Variants in AGBL4 observed in about 807,000 individuals in gnomAD.
The protein encoded by AGBL4 is cytosolic carboxypeptidase 6.
Under a neutral mutation model 66.4 loss-of-function variants are expected in AGBL4, and 58 were observed. The observed-to-expected ratio is 0.87, with a 90% CI of 0.71 to 1.09. The LOEUF is 1.09. AGBL4 is among the 50% of genes least tolerant of loss of function. The probability of loss-of-function intolerance (pLI) is 0.00; values close to 1 mark genes in which losing one functional copy is unlikely to be tolerated. For synonymous variants in AGBL4, 234 were observed against 222.9 expected, an observed-to-expected ratio of 1.05 and a Z score of -0.44; for missense variants, 579 against 631.0, an observed-to-expected ratio of 0.92 and a Z score of 0.88.
At chr1:48,934,985 C>T (rs1467203528) in intron 5 of AGBL4, among the ~76,000 whole-genome samples, 1 of 152,196 alleles carries the variant, frequency 6.6e-6, no homozygotes, top group African/African-American at 2.4e-5. Flanking sequence ...TTCATATTTT[C>T]AGTCGTTCAT....
intron 1 of AGBL4, among the ~76,000 whole-genome samples, chr1:49,948,603 A>AGAGAGAGAGG (rs1271485800): frequency 1.4e-5 from 2 of 144,018 alleles, no homozygotes; most frequent in Non-Finnish European, 3.0e-5. Context: ...AGAGAGAGAG[A>AGAGAGAGAGG]GAGATACACT....
chr1:49,183,475 T>C (rs1449412212), intron 4 of AGBL4, among the ~76,000 whole-genome samples: 2 of 152,126 alleles, frequency 1.3e-5, no homozygotes, highest in Non-Finnish European at 2.9e-5. Flanking sequence ...CTAACTGTTC[T>C]TCTTGCCTCT....
chr1:49,894,870 T>C (rs1649030753), intron 1 of AGBL4, among the ~76,000 whole-genome samples: 1 of 152,098 alleles, frequency 6.6e-6, no homozygotes, highest in African/African-American at 2.4e-5. Context: ...GTAATAATAG[T>C]AGTTTCCAAA....
intron 4 of AGBL4, among the ~76,000 whole-genome samples, chr1:49,129,035 T>C (rs756441444): frequency 2.2e-4 from 33 of 151,666 alleles, no homozygotes; most frequent in South Asian, 2.1e-4. Context: ...AATCAGAAAA[T>C]GGGCAAAAGA....
At chr1:48,766,313 T>A (rs1023976890) in intron 6 of AGBL4, among the ~76,000 whole-genome samples, 8 of 152,178 alleles carry the variant, frequency 5.3e-5, no homozygotes, top group African/African-American at 1.9e-4. Context: ...GTGCTATAGA[T>A]CTATGTGCCT....
chr1:48,749,439 T>A (rs901615917), intron 6 of AGBL4, among the ~76,000 whole-genome samples: 2 of 152,212 alleles, frequency 1.3e-5, no homozygotes. Flanking sequence ...TCGATCTTAT[T>A]ATCTCTGTAA....
chr1:49,078,356 A>G (rs1644748399), intron 4 of AGBL4, among the ~76,000 whole-genome samples: 1 of 152,182 alleles, frequency 6.6e-6, no homozygotes, highest in Non-Finnish European at 1.5e-5. Context: ...TCAGACATAG[A>G]TTTAATTGTC....
At chr1:49,478,141 T>C (rs1473707694) in intron 3 of AGBL4, among the ~76,000 whole-genome samples, 14 of 151,700 alleles carry the variant, frequency 9.2e-5, no homozygotes. Flanking sequence ...AAAGATAGAG[T>C]TACAAAGTTT....
chr1:49,567,074 C>T (rs1558059539), intron 3 of AGBL4, among the ~76,000 whole-genome samples: 1 of 152,208 alleles, frequency 6.6e-6, no homozygotes, highest in Non-Finnish European at 1.5e-5. Flanking sequence ...ATGAGCGAGG[C>T]TCCGTGGGCA....
At chr1:48,882,906 T>G (rs1415163174) in intron 5 of AGBL4, among the ~76,000 whole-genome samples, 1 of 152,226 alleles carries the variant, frequency 6.6e-6, no homozygotes, top group Non-Finnish European at 1.5e-5. Context: ...CTTAGATTAA[T>G]GTCCTTCAGG....
chr1:49,146,494 A>C (rs1646220826), intron 4 of AGBL4, among the ~76,000 whole-genome samples: 1 of 152,236 alleles, frequency 6.6e-6, no homozygotes, highest in Non-Finnish European at 1.5e-5. Context: ...GTGATGAAAC[A>C]CAGAACTCTA....
intron 3 of AGBL4, among the ~76,000 whole-genome samples, chr1:49,261,885 C>T (rs1229163378): frequency 4.7e-5 from 7 of 150,216 alleles, no homozygotes; most frequent in Non-Finnish European, 1.0e-4. Context: ...AAGCTGGAGG[C>T]ATCACGCTAC....
intron 6 of AGBL4, chr1:48,742,908 C>A: frequency 1.3e-6 from 1 of 778,986 alleles, no homozygotes; most frequent in Non-Finnish European, 1.9e-6. Context: ...TACACTTAAA[C>A]CCAGACTCGA....
At chr1:49,254,902 C>A (rs571499384) in intron 3 of AGBL4, among the ~76,000 whole-genome samples, 9 of 152,110 alleles carry the variant, frequency 5.9e-5, no homozygotes, top group African/African-American at 2.2e-4. Flanking sequence ...GACAAAAACA[C>A]GCAATGGGGA....
intron 3 of AGBL4, among the ~76,000 whole-genome samples, chr1:49,434,840 G>A (rs1295210051): frequency 6.6e-6 from 1 of 152,028 alleles, no homozygotes; most frequent in Non-Finnish European, 1.5e-5. Flanking sequence ...ACAAAATGAG[G>A]CACAAAGGTG....
intron 2 of AGBL4, among the ~76,000 whole-genome samples, chr1:49,770,216 G>T (rs1644015856): frequency 6.6e-6 from 1 of 152,162 alleles, no homozygotes; most frequent in African/African-American, 2.4e-5. Context: ...CTAATTTGTT[G>T]AGAGTTTTGA....
At chr1:49,594,801 A>G (rs1644820799) in intron 3 of AGBL4, among the ~76,000 whole-genome samples, 1 of 152,160 alleles carries the variant, frequency 6.6e-6, no homozygotes, top group Admixed American at 6.5e-5. Flanking sequence ...AGTCTTTGCT[A>G]TTGTGAATAG....
chr1:49,692,024 A>G (rs1233211321), intron 3 of AGBL4, among the ~76,000 whole-genome samples: 1 of 152,122 alleles, frequency 6.6e-6, no homozygotes, highest in Non-Finnish European at 1.5e-5. Flanking sequence ...CTTAGTCACT[A>G]TCATGAGAAC....
chr1:49,379,363 T>C (rs1287302962), intron 3 of AGBL4, among the ~76,000 whole-genome samples: 1 of 152,162 alleles, frequency 6.6e-6, no homozygotes, highest in Non-Finnish European at 1.5e-5. Flanking sequence ...TTATGTCTTA[T>C]TTAATGCAGC....
Sources: gnomAD v4.1 joint callset for allele counts (sites outside exome capture counted in the v4.1 genomes callset) on GRCh38, gnomAD v4.1.1 for gene constraint, MANE v1.5 for transcripts, NCBI Gene and HGNC (gene_info 2026-07-23, HGNC 2026-07-21) for gene names.